The following DYNC2H1 variants were observed in gnomAD, a reference collection of about 807,000 sequenced individuals.
The protein encoded by DYNC2H1 is dynein cytoplasmic 2 heavy chain 1.
Under a neutral mutation model 570.0 loss-of-function variants are expected in DYNC2H1, and 410 were observed. The observed-to-expected ratio is 0.72, with a 90% CI of 0.66 to 0.78. DYNC2H1 has a LOEUF of 0.78. Among genes scored for constraint, DYNC2H1 ranks in the 30% least tolerant of loss-of-function variants. DYNC2H1 has a pLI of 0.00. For synonymous variants in DYNC2H1, 1,688 were observed against 1,677.6 expected, an observed-to-expected ratio of 1.01 and a Z score of -0.15; for missense variants, 4,865 against 5,046.4, an observed-to-expected ratio of 0.96 and a Z score of 1.09.
rs781231460 is a variant in DYNC2H1 at position 103,256,083 on chromosome 11, C to A, written c.10327-23C>A. ...TTATTTTTATATGTATAATAATATTCATATTGTTAACTTTCCCTACAGACA... is the reference window on the plus strand; with the variant it reads ...TTATTTTTATATGTATAATAATATTAATATTGTTAACTTTCCCTACAGACA... On this transcript the variant is annotated intron_variant, in intron 67 of 88. Coordinates refer to ENST00000375735, the MANE Select transcript of DYNC2H1 (RefSeq NM_001377.3). The surrounding 1 kb of genome is among the most constrained non-coding windows in gnomAD (Gnocchi z 4.0). The A allele has an allele frequency of 6.4e-7, 1 of 1,563,752 alleles. No individual in the cohort carries two copies.
chr11:103,345,399 A>G (rs1479963584), intron 82 of DYNC2H1, among the ~76,000 whole-genome samples: 1 of 152,122 alleles, frequency 6.6e-6, no homozygotes, highest in African/African-American at 2.4e-5. Context: ...TGTTATGTCA[A>G]ATTGTTTTTA....
chr11:103,459,141 C>T (rs1270815455), intron 87 of DYNC2H1, among the ~76,000 whole-genome samples: 2 of 150,256 alleles, frequency 1.3e-5, no homozygotes, highest in African/African-American at 2.4e-5. Context: ...AACCCCGTCT[C>T]TACTAAAAAT....
intron 83 of DYNC2H1, among the ~76,000 whole-genome samples, chr11:103,381,400 G>C (rs1047328487): frequency 7.2e-5 from 11 of 152,072 alleles, no homozygotes; most frequent in Non-Finnish European, 1.5e-4. Flanking sequence ...AGCACTAGTA[G>C]TGTTTGTGAC....
At chr11:103,274,924 G>T in intron 70 of DYNC2H1, among the ~76,000 whole-genome samples, 1 of 151,840 alleles carries the variant, frequency 6.6e-6, no homozygotes, top group East Asian at 1.9e-4. Context: ...GCGAAACCCC[G>T]TCTCTACTAA....
intron 70 of DYNC2H1, among the ~76,000 whole-genome samples, chr11:103,262,847 A>G (rs1339629052): frequency 6.6e-6 from 1 of 152,114 alleles, no homozygotes; most frequent in Non-Finnish European, 1.5e-5. Flanking sequence ...ACACATAACA[A>G]TATTAACCTT....
intron 84 of DYNC2H1, chr11:103,403,297 G>T (rs1272432733): frequency 1.3e-5 from 2 of 151,934 alleles, no homozygotes; most frequent in Non-Finnish European, 2.9e-5. Flanking sequence ...CTTGTATTTT[G>T]ATTATTTTTT....
At chr11:103,123,923 G>C (rs1316566007) in intron 11 of DYNC2H1, among the ~76,000 whole-genome samples, 1 of 151,794 alleles carries the variant, frequency 6.6e-6, no homozygotes, top group Non-Finnish European at 1.5e-5. Flanking sequence ...TAAATTTGAA[G>C]ATCAATCCTG....
chr11:103,307,283 A>G (rs1867336833), intron 77 of DYNC2H1, among the ~76,000 whole-genome samples: 1 of 152,152 alleles, frequency 6.6e-6, no homozygotes, highest in Non-Finnish European at 1.5e-5. Flanking sequence ...ACTCTGTAGA[A>G]GCATGAATTA....
chr11:103,461,589 C>T lies in DYNC2H1; in HGVS notation c.12648+5233C>T, dbSNP rs1169137302. On this transcript the variant is annotated intron_variant, in intron 87 of 88. Coordinates refer to ENST00000375735, the MANE Select transcript of DYNC2H1 (RefSeq NM_001377.3). This position sits in a 1 kb window ranked among gnomAD's most constrained non-coding sequence, Gnocchi z 4.8. ...AGAGAGGATTGCCCTAGCAACACTT[C>T]GAGTGCTCAGTAGCCATATGCGGTA... 2.0e-5 allele frequency among the ~76,000 whole-genome samples: 3 copies of T among 152,150 alleles called. No homozygotes were observed. Among genetic ancestry groups the T allele is most frequent in the African/African-American group, 7.2e-5 (3 of 41,422 alleles).
intron 59 of DYNC2H1, among the ~76,000 whole-genome samples, chr11:103,225,333 A>G (rs925563972): frequency 6.6e-6 from 1 of 152,146 alleles, no homozygotes; most frequent in Admixed American, 6.6e-5. Context: ...ACCTAAGCCA[A>G]TGTCTATAAG....
chr11:103,268,820 T>G lies in DYNC2H1; in HGVS notation c.10695+8843T>G, dbSNP rs541067015. 2.0e-5 allele frequency among the ~76,000 whole-genome samples: 3 copies of G among 152,194 alleles called. No individual in the cohort carries two copies. In the South Asian group the frequency reaches 6.2e-4, roughly 32 times the overall value. On this transcript the variant is annotated intron_variant, in intron 70 of 88. Coordinates refer to ENST00000375735, the MANE Select transcript of DYNC2H1 (RefSeq NM_001377.3). The surrounding 1 kb of genome is among the most constrained non-coding windows in gnomAD (Gnocchi z 4.6). ...CTTTTCTTATTAGGAGTTAGTTGCT[T>G]GTTTCTAAGCTATGTGTCTTATCTC...
rs1396684211 is a variant in DYNC2H1 at position 103,209,978 on chromosome 11, T to C, written c.8539+18T>C. 6.9e-7 allele frequency: 1 copy of C among 1,458,094 alleles called. No homozygotes were observed. Among genetic ancestry groups the C allele is most frequent in the South Asian group, 1.4e-5 (1 of 72,490 alleles). The allele number at this position is 1,458,094 out of a possible 1,614,324, so 90.3% of individuals were successfully genotyped here. On this transcript the variant is annotated intron_variant, in intron 53 of 88. Transcript: ENST00000375735. The surrounding 1 kb of genome is among the most constrained non-coding windows in gnomAD (Gnocchi z 4.2). The stretch of plus-strand genomic sequence containing the variant: ...AAATTCAGGTAGTATTTTGATAAAA[T>C]CAGTTTGATCTGGTTTTTATTTATG...
At chr11:103,266,223 G>C (rs1004644987) in intron 70 of DYNC2H1, among the ~76,000 whole-genome samples, 3 of 152,106 alleles carry the variant, frequency 2.0e-5, no homozygotes, top group African/African-American at 7.2e-5. Flanking sequence ...GCTGTGTCAG[G>C]GTACTAAATG....
At chr11:103,262,298 C>A (rs1402301600) in intron 70 of DYNC2H1, among the ~76,000 whole-genome samples, 4 of 152,166 alleles carry the variant, frequency 2.6e-5, no homozygotes, top group Non-Finnish European at 4.4e-5. Context: ...TCCAGGAGAA[C>A]TTGCCCAGCC....
At chr11:103,316,196 G>A (rs902893539) in intron 79 of DYNC2H1, among the ~76,000 whole-genome samples, 1 of 151,330 alleles carries the variant, frequency 6.6e-6, no homozygotes, top group African/African-American at 2.4e-5. Flanking sequence ...TTGTATGTTT[G>A]TGGAGAAAAT....
chr11:103,367,708 T>G (rs1940972951), intron 83 of DYNC2H1, among the ~76,000 whole-genome samples: 1 of 152,172 alleles, frequency 6.6e-6, no homozygotes, highest in South Asian at 2.1e-4. Context: ...CAAAACTTAT[T>G]CCTTATATCT....
chr11:103,313,179 G>A (rs1279580389), intron 79 of DYNC2H1, among the ~76,000 whole-genome samples: 2 of 152,124 alleles, frequency 1.3e-5, no homozygotes, highest in Non-Finnish European at 2.9e-5. Flanking sequence ...CCATAGTCCA[G>A]AAGAAAAGAC....
chr11:103,453,294 ATATTTCTGGT>A (rs956528927), intron 85 of DYNC2H1, among the ~76,000 whole-genome samples: 4 of 150,948 alleles, frequency 2.6e-5, no homozygotes, highest in African/African-American at 9.7e-5. Flanking sequence ...TTATGTGTGC[ATATTTCTGGT>A]TATTAAAGAT....
rs1012440088 is a variant in DYNC2H1 at position 103,244,662 on chromosome 11, T to A, written c.9919-589T>A. Among the ~76,000 whole-genome samples, 4 of 148,400 alleles carry A rather than the reference T, an allele frequency of 2.7e-5. No individual in the cohort carries two copies. Among genetic ancestry groups the A allele is most frequent in the Non-Finnish European group, 6.0e-5 (4 of 67,212 alleles). ...TATATCTCTATATAGTTATATACAT[T>A]ATAAGTACTATATATCTATGGTTAT... On this transcript the variant is annotated intron_variant, in intron 64 of 88. Transcript: ENST00000375735. This position sits in a 1 kb window ranked among gnomAD's most constrained non-coding sequence, Gnocchi z 4.3.
Sources: allele counts gnomAD v4.1 joint callset (sites outside exome capture counted in the v4.1 genomes callset), GRCh38; gene constraint gnomAD v4.1.1; non-coding constraint Gnocchi (gnomAD v3.1); transcripts MANE v1.5; gene names NCBI Gene and HGNC (gene_info 2026-07-23, HGNC 2026-07-21).